Variants in HYDIN observed in about 807,000 individuals in gnomAD.
HYDIN encodes the protein HYDIN axonemal central pair apparatus protein, also known as axonemal central pair apparatus protein HYDIN.
Under a neutral mutation model 403.9 loss-of-function variants are expected in HYDIN, and 132 were observed. That is an observed-to-expected ratio of 0.33 (90% CI 0.28 to 0.38). The LOEUF is 0.38. Among genes scored for constraint, HYDIN ranks in the 10% least tolerant of loss-of-function variants. The probability of loss-of-function intolerance (pLI) is 1.00; values close to 1 mark genes in which losing one functional copy is unlikely to be tolerated. For synonymous variants in HYDIN, 1,202 were observed against 1,891.7 expected (o/e 0.64, Z 9.46); for missense variants, 2,827 against 5,009.5 (o/e 0.56, Z 13.15).
intron 23 of HYDIN, among the ~76,000 whole-genome samples, chr16:70,994,445 C>T (rs889049975): frequency 1.8e-4 from 28 of 152,206 alleles, no homozygotes; most frequent in African/African-American, 6.5e-4. Context: ...TATGGAAAAG[C>T]GCTTTTCATT....
chr16:70,979,105 A>G (rs2144011893), intron 29 of HYDIN, 64 bp from the exon 30 acceptor site: 1 of 1,379,170 alleles, frequency 7.3e-7, no homozygotes, highest in East Asian at 2.3e-5. Flanking sequence ...GAAAAATATG[A>G]ATGATGTCGC....
intron 6 of HYDIN, among the ~76,000 whole-genome samples, chr16:71,157,441 A>G (rs2085817278): frequency 6.6e-6 from 1 of 151,844 alleles, no homozygotes; most frequent in Non-Finnish European, 1.5e-5. Context: ...AGGAACAGAA[A>G]CATCTGTGTG....
chr16:71,115,226 A>T (rs1226655899), intron 10 of HYDIN, among the ~76,000 whole-genome samples: 1 of 151,882 alleles, frequency 6.6e-6, no homozygotes, highest in African/African-American at 2.4e-5. Flanking sequence ...GTGAGTTCTC[A>T]CGAGATCTGA....
chr16:71,179,123 G>T, intron 3 of HYDIN, 76 bp from the exon 4 acceptor site: 1 of 1,116,426 alleles, frequency 9.0e-7, no homozygotes, highest in Non-Finnish European at 1.3e-6. Flanking sequence ...AAAATACTAC[G>T]TAGACCTGTG....
At chr16:71,227,190 G>C (rs1317345634) in intron 1 of HYDIN, among the ~76,000 whole-genome samples, 1 of 151,572 alleles carries the variant, frequency 6.6e-6, no homozygotes, top group Non-Finnish European at 1.5e-5. Flanking sequence ...AATGATATGG[G>C]CAAAAGATAC....
chr16:71,082,359 C>A (rs1271808172), intron 12 of HYDIN, among the ~76,000 whole-genome samples: 1 of 151,960 alleles, frequency 6.6e-6, no homozygotes, highest in Non-Finnish European at 1.5e-5. Context: ...ACTAACAATG[C>A]AACACTATTG....
intron 1 of HYDIN, among the ~76,000 whole-genome samples, chr16:71,190,518 T>C (rs1254477310): frequency 1.3e-5 from 2 of 152,236 alleles, no homozygotes; most frequent in East Asian, 1.9e-4. Flanking sequence ...AATTGCATTG[T>C]TGGTTAACCA....
chr16:71,196,787 T>G (rs960267914), intron 1 of HYDIN, among the ~76,000 whole-genome samples: 8 of 152,102 alleles, frequency 5.3e-5, no homozygotes, highest in African/African-American at 1.7e-4. Flanking sequence ...GAGAGTGACC[T>G]CTGGTTGTCC....
chr16:70,981,575 G>T lies in HYDIN; in HGVS notation c.4333-7C>A. On this transcript the variant is annotated splice_polypyrimidine_tract_variant and splice_region_variant and intron_variant, in intron 28 of 85. Transcript: ENST00000393567. Reference sequence around the variant, plus strand: ...GATGTGAACTGATAAAGCCCTACGCGGTAGAAAGACCAGAAAAGGGAAAAC... The same window carrying T: ...GATGTGAACTGATAAAGCCCTACGCTGTAGAAAGACCAGAAAAGGGAAAAC... The T allele has an allele frequency of 6.2e-7, 1 of 1,606,900 alleles. No homozygotes were observed. Among genetic ancestry groups the T allele is most frequent in the South Asian group, 1.1e-5 (1 of 90,104 alleles).
intron 23 of HYDIN, among the ~76,000 whole-genome samples, chr16:70,994,268 T>A (rs1227012141): frequency 8.7e-4 from 6 of 6,934 alleles, no homozygotes; most frequent in African/African-American, 3.2e-3. Context: ...GATGGATGCA[T>A]GGATGGATGG....
At chr16:71,210,917 A>G (rs2088554515) in intron 1 of HYDIN, among the ~76,000 whole-genome samples, 1 of 152,102 alleles carries the variant, frequency 6.6e-6, no homozygotes, top group African/African-American at 2.4e-5. Context: ...GATAAAGCAA[A>G]TAATATGTTG....
intron 23 of HYDIN, among the ~76,000 whole-genome samples, chr16:71,005,622 T>A (rs540897838): frequency 6.6e-6 from 1 of 152,218 alleles, no homozygotes; most frequent in African/African-American, 2.4e-5. Context: ...TACACTTAAG[T>A]GTAGAAATTT....
rs1026092169 is a variant in HYDIN, at chr16:70,803,120, A to G, written c.*4460T>C. On this transcript the variant is annotated 3_prime_UTR_variant, in exon 86 of 86. Coordinates refer to ENST00000393567, the MANE Select transcript of HYDIN (RefSeq NM_001270974.2). Reference sequence around the variant, plus strand: ...TCTTAGAGGTGAACTGAATTTCCCAAGGGTAATGATACAGTTTTTAATAAT... The same window carrying G: ...TCTTAGAGGTGAACTGAATTTCCCAGGGGTAATGATACAGTTTTTAATAAT... Among the ~76,000 whole-genome samples, 3 of 152,198 alleles carry G rather than the reference A, an allele frequency of 2.0e-5. No homozygotes were observed.
Position 70,828,433 on chromosome 16 carries a change from AG to A in HYDIN, c.14113-5del, listed in dbSNP as rs762579941. On this transcript the variant is annotated splice_polypyrimidine_tract_variant and splice_region_variant and intron_variant, in intron 81 of 85. Transcript: ENST00000393567. ...GGAGGGGGAAGAAGAGGGTGCCCTA[AG>A]GAGAAGAAGGATGTGATCAGAATGC... is the stretch of plus-strand genomic sequence containing the variant. 6.3e-7 allele frequency: 1 copy of A among 1,599,980 alleles called. No individual in the cohort carries two copies. The highest frequency in any genetic ancestry group is 1.3e-5 in the African/African-American group (1 of 74,656).
At chr16:71,010,199 C>T (rs2080034365) in intron 23 of HYDIN, among the ~76,000 whole-genome samples, 1 of 150,992 alleles carries the variant, frequency 6.6e-6, no homozygotes, top group African/African-American at 2.4e-5. Flanking sequence ...CTCCTCAGGC[C>T]TGTCTTCCCT....
intron 83 of HYDIN, among the ~76,000 whole-genome samples, chr16:70,822,534 C>T (rs1624411): frequency 1.3e-5 from 2 of 152,232 alleles, no homozygotes; most frequent in Non-Finnish European, 2.9e-5. Context: ...AGGATTTGAG[C>T]GGACTGACTC....
At chr16:71,011,505 G>A (rs1372834785) in intron 23 of HYDIN, among the ~76,000 whole-genome samples, 1 of 151,008 alleles carries the variant, frequency 6.6e-6, no homozygotes, top group Non-Finnish European at 1.5e-5. Flanking sequence ...CTAGGAGATT[G>A]AGACTAGCCT....
At chr16:71,228,138 T>C (rs1414922904) in intron 1 of HYDIN, among the ~76,000 whole-genome samples, 23 of 152,054 alleles carry the variant, frequency 1.5e-4, no homozygotes, top group Admixed American at 1.5e-3. Context: ...ATCCCTTCCT[T>C]ACACCTTATA....
At chr16:70,950,102 TATC>T (rs1320993939) in intron 41 of HYDIN, among the ~76,000 whole-genome samples, 1 of 144,974 alleles carries the variant, frequency 6.9e-6, no homozygotes, top group Admixed American at 6.8e-5. Context: ...GACAATCAGA[TATC>T]ACCTGGCACA....
Sources: allele counts gnomAD v4.1 joint callset (sites outside exome capture counted in the v4.1 genomes callset), GRCh38; gene constraint gnomAD v4.1.1; transcripts MANE v1.5; gene names NCBI Gene and HGNC (gene_info 2026-07-23, HGNC 2026-07-21).